The following NCALD variants were observed in gnomAD, a reference collection of about 807,000 sequenced individuals.
NCALD encodes neurocalcin-delta.
NCALD carries 10 observed loss-of-function variants against 18.6 expected under a neutral mutation model. That is an observed-to-expected ratio of 0.54 (90% confidence interval 0.33 to 0.91). The LOEUF (loss-of-function observed/expected upper bound fraction) is 0.91, where lower values mean the gene tolerates loss of function less well. Ranked by LOEUF, NCALD falls within the 40% of genes least tolerant of loss-of-function variation. The pLI, the probability that NCALD is intolerant of heterozygous loss-of-function variation, is 0.03. For missense variants in NCALD, 184 were observed against 247.6 expected (o/e 0.74, Z 1.72); for synonymous variants, 88 against 87.4 (o/e 1.01, Z -0.04).
chr8:101,782,629 C>A (rs148602133), intron 1 of NCALD, among the ~76,000 whole-genome samples: 1 of 152,242 alleles, frequency 6.6e-6, no homozygotes, highest in African/African-American at 2.4e-5. Flanking sequence ...GGGGAGGTGT[C>A]CTATTTCTGT....
intron 3 of NCALD, among the ~76,000 whole-genome samples, chr8:101,897,360 C>A (rs1397563030): frequency 3.9e-5 from 5 of 126,712 alleles, no homozygotes; most frequent in Admixed American, 1.8e-4. Flanking sequence ...ACTCTGGGGA[C>A]TGTGGTGGGG....
chr8:101,814,124 G>A (rs1333829410), intron 4 of NCALD, among the ~76,000 whole-genome samples: 4 of 152,016 alleles, frequency 2.6e-5, no homozygotes, highest in Admixed American at 2.0e-4. Context: ...CTCATTCAGA[G>A]TACAGAAGAA....
At chr8:101,968,268 A>G (rs7015981) in intron 2 of NCALD, among the ~76,000 whole-genome samples, 71,227 of 151,858 alleles carry the variant, frequency 0.47, 17,485 homozygotes, top group African/African-American at 0.61. Flanking sequence ...AATCACAAAA[A>G]CTGGAAATAA....
chr8:101,707,141 G>T (rs1206435487), intron 2 of NCALD, among the ~76,000 whole-genome samples: 4 of 151,972 alleles, frequency 2.6e-5, no homozygotes, highest in Admixed American at 2.0e-4. Flanking sequence ...TTTTCCCCCA[G>T]AATCAGAAGA....
At position 101,689,962 on chromosome 8, in the gene NCALD, G is replaced by A. The variant is rs1022121737; in HGVS notation, c.485-556C>T. Among the ~76,000 whole-genome samples the A allele has an allele frequency of 3.9e-5, 6 of 152,302 alleles. No homozygotes were observed. The South Asian group carries it at 6.2e-4, about 16-fold the overall frequency. Reference sequence around the variant, plus strand: ...ACGTAAGTGTTTGTTCATACACCACGGGAAGACAGCTGTGCCTCCATCTGA... The same window carrying A: ...ACGTAAGTGTTTGTTCATACACCACAGGAAGACAGCTGTGCCTCCATCTGA... On this transcript the variant is annotated intron_variant, in intron 3 of 3. Transcript: ENST00000220931. This position sits in a 1 kb window ranked among gnomAD's most constrained non-coding sequence, Gnocchi z 4.4.
chr8:102,042,465 G>T (rs1267801824), intron 1 of NCALD, among the ~76,000 whole-genome samples: 1 of 151,832 alleles, frequency 6.6e-6, no homozygotes, highest in Non-Finnish European at 1.5e-5. Context: ...TCCTAAAGCA[G>T]GTGATACACT....
intron 1 of NCALD, among the ~76,000 whole-genome samples, chr8:102,030,197 T>C (rs368027447): frequency 2.0e-5 from 3 of 152,274 alleles, no homozygotes; most frequent in South Asian, 4.1e-4. Flanking sequence ...CTATAGAGGG[T>C]GTGCCCCACT....
At chr8:101,978,003 G>C (rs1378086148) in intron 2 of NCALD, among the ~76,000 whole-genome samples, 1 of 151,440 alleles carries the variant, frequency 6.6e-6, no homozygotes, top group Non-Finnish European at 1.5e-5. Flanking sequence ...TCCGCCCTCA[G>C]TGCCCCCTCC....
intron 1 of NCALD, among the ~76,000 whole-genome samples, chr8:102,075,350 A>C (rs1423812627): frequency 6.6e-6 from 1 of 152,188 alleles, no homozygotes; most frequent in Non-Finnish European, 1.5e-5. Flanking sequence ...GATCATAGTA[A>C]TGTAACAGGA....
intron 3 of NCALD, among the ~76,000 whole-genome samples, chr8:101,891,951 T>C (rs1048371404): frequency 1.3e-5 from 2 of 152,136 alleles, no homozygotes; most frequent in Non-Finnish European, 2.9e-5. Flanking sequence ...CGCCCGCAAT[T>C]GCCCAGGCTT....
At chr8:101,726,912 C>CT (rs1440784173) in intron 1 of NCALD, among the ~76,000 whole-genome samples, 2 of 152,134 alleles carry the variant, frequency 1.3e-5, no homozygotes, top group African/African-American at 4.8e-5. Flanking sequence ...AGGACTGAGC[C>CT]TTTGATCACA....
intron 2 of NCALD, among the ~76,000 whole-genome samples, chr8:102,006,110 C>T (rs10505016): frequency 0.61 from 92,578 of 151,846 alleles, 29,596 homozygotes; most frequent in African/African-American, 0.79. Context: ...TAGTATATGT[C>T]GCTCTCAAAA....
At chr8:102,110,100 C>T (rs998841235) in intron 1 of NCALD, among the ~76,000 whole-genome samples, 21 of 152,152 alleles carry the variant, frequency 1.4e-4, no homozygotes, top group Admixed American at 1.3e-4. Flanking sequence ...GGTAGGGAAA[C>T]ACCCAGACCT....
intron 1 of NCALD, among the ~76,000 whole-genome samples, chr8:102,102,859 G>A (rs1170671837): frequency 6.6e-6 from 1 of 152,152 alleles, no homozygotes; most frequent in Non-Finnish European, 1.5e-5. Context: ...CCCCTCAGGG[G>A]TCACTACAGG....
intron 2 of NCALD, among the ~76,000 whole-genome samples, chr8:101,918,201 TCACCA>T (rs1426214299): frequency 8.6e-5 from 13 of 152,020 alleles, no homozygotes; most frequent in Admixed American, 8.5e-4. Context: ...TAAATTTGAG[TCACCA>T]CATAAACACA....
chr8:102,010,105 G>A (rs2132061953), intron 2 of NCALD, among the ~76,000 whole-genome samples: 3 of 152,340 alleles, frequency 2.0e-5, no homozygotes, highest in Middle Eastern at 6.8e-3. Flanking sequence ...CCCACTGTGG[G>A]GAGAGAAATG....
intron 3 of NCALD, among the ~76,000 whole-genome samples, chr8:101,901,213 A>C (rs1393657103): frequency 2.0e-5 from 3 of 151,414 alleles, no homozygotes; most frequent in African/African-American, 7.3e-5. Flanking sequence ...TTCATTCTGT[A>C]ATTTTTACCC....
At chr8:101,913,429 G>C (rs1428539148) in intron 3 of NCALD, among the ~76,000 whole-genome samples, 1 of 152,198 alleles carries the variant, frequency 6.6e-6, no homozygotes, top group African/African-American at 2.4e-5. Flanking sequence ...CCATGAGTGA[G>C]TCTTGAAACA....
chr8:101,904,748 C>A (rs1367346337), intron 3 of NCALD, among the ~76,000 whole-genome samples: 1 of 152,182 alleles, frequency 6.6e-6, no homozygotes, highest in African/African-American at 2.4e-5. Flanking sequence ...TGCAGCCAGA[C>A]CTCTCTCTGC....
Sources: allele counts gnomAD v4.1 joint callset (sites outside exome capture counted in the v4.1 genomes callset), GRCh38; gene constraint gnomAD v4.1.1; non-coding constraint Gnocchi (gnomAD v3.1); transcripts MANE v1.5; gene names NCBI Gene and HGNC (gene_info 2026-07-23, HGNC 2026-07-21).